The following HS6ST2 variants were observed in gnomAD, a reference collection of about 807,000 sequenced individuals.
The protein encoded by HS6ST2 is heparan-sulfate 6-O-sulfotransferase 2.
Under a neutral mutation model 33.0 loss-of-function variants are expected in HS6ST2, and 17 were observed. The ratio of observed to expected loss-of-function variants is 0.52; its 90% CI spans 0.35 to 0.77. The LOEUF is 0.77. Ranked by LOEUF, HS6ST2 falls within the 30% of genes least tolerant of loss-of-function variation. The probability of loss-of-function intolerance (pLI) is 0.01; values close to 1 mark genes in which losing one functional copy is unlikely to be tolerated. For missense variants in HS6ST2, 519 were observed against 551.7 expected (o/e 0.94, Z 0.59); for synonymous variants, 248 against 237.1 (o/e 1.05, Z -0.42).
intron 4 of HS6ST2, among the ~76,000 whole-genome samples, chrX:132,657,771 G>A (rs1391063780): frequency 9.6e-6 from 1 of 104,299 alleles, no homozygotes; most frequent in Non-Finnish European, 2.0e-5. Flanking sequence ...TGTGGTGTTT[G>A]CCATTAAAAG....
chrX:132,743,625 G>A lies in HS6ST2; in HGVS notation c.948-35131C>T, dbSNP rs770992716. ...CCTTCAGCTATGAGAGAGGGCGAGGGAAGTGGGACCTACCAAGAGATTTTA... is the reference window on the plus strand; with the variant it reads ...CCTTCAGCTATGAGAGAGGGCGAGGAAAGTGGGACCTACCAAGAGATTTTA... On this transcript the variant is annotated intron_variant, in intron 2 of 4. Transcript: ENST00000370833. Among the ~76,000 whole-genome samples, 9 of 111,768 alleles carry A rather than the reference G, an allele frequency of 8.1e-5. No homozygotes were observed. The East Asian group carries it at 2.3e-3, about 28-fold the overall frequency.
chrX:132,637,853 A>ATTT (rs1274752879), intron 4 of HS6ST2, among the ~76,000 whole-genome samples: 6 of 29,362 alleles, frequency 2.0e-4, no homozygotes, highest in South Asian at 2.8e-3. Context: ...TATATATAAT[A>ATTT]TATATATAAT....
At chrX:132,830,919 A>T (rs1270183405) in intron 2 of HS6ST2, among the ~76,000 whole-genome samples, 1 of 111,750 alleles carries the variant, frequency 8.9e-6, no homozygotes, top group Non-Finnish European at 1.9e-5. Context: ...CCATTAATCC[A>T]CATGTACCTT....
rs2066059334 is a variant in HS6ST2 at position 132,871,678 on chromosome X, A to G, written c.947+85130T>C. Among the ~76,000 whole-genome samples, 3 of 110,101 alleles carry G rather than the reference A, an allele frequency of 2.7e-5. No individual in the cohort carries two copies. In the South Asian group the frequency reaches 1.2e-3, roughly 45 times the overall value. The stretch of plus-strand genomic sequence containing the variant: ...ATCATTCTCAGCGAACTAACACAGG[A>G]ACAGAAAACCAAACACCACATATTC... On this transcript the variant is annotated intron_variant, in intron 2 of 4. Transcript: ENST00000370833.
chrX:132,873,229 C>A (rs1455640999), intron 2 of HS6ST2, among the ~76,000 whole-genome samples: 1 of 111,885 alleles, frequency 8.9e-6, no homozygotes, highest in Non-Finnish European at 1.9e-5. Context: ...CGATGCTCCA[C>A]TCACTCCTTT....
At chrX:132,829,327 A>C (rs186119746) in intron 2 of HS6ST2, among the ~76,000 whole-genome samples, 1,119 of 106,547 alleles carry the variant, frequency 0.011, 11 homozygotes, top group African/African-American at 0.036. Context: ...TATATAAATC[A>C]TATGTGATAT....
At chrX:132,795,007 A>G (rs932305624) in intron 2 of HS6ST2, among the ~76,000 whole-genome samples, 2 of 110,574 alleles carry the variant, frequency 1.8e-5, no homozygotes, top group Non-Finnish European at 3.8e-5. Flanking sequence ...ATTCCCTAAG[A>G]ACCTGCAGGC....
At chrX:132,892,557 G>A (rs184459817) in intron 2 of HS6ST2, among the ~76,000 whole-genome samples, 10 of 112,529 alleles carry the variant, frequency 8.9e-5, no homozygotes, top group Admixed American at 2.8e-4. Flanking sequence ...GGTGGCTCAC[G>A]CCTGTAATCC....
At chrX:132,875,951 ACT>A (rs1011705802) in intron 2 of HS6ST2, among the ~76,000 whole-genome samples, 1 of 110,846 alleles carries the variant, frequency 9.0e-6, no homozygotes, top group Non-Finnish European at 1.9e-5. Flanking sequence ...AAAAAAAAAA[ACT>A]CAGCCTCTTT....
intron 2 of HS6ST2, among the ~76,000 whole-genome samples, chrX:132,922,815 C>T (rs1270861805): frequency 8.9e-6 from 1 of 111,808 alleles, no homozygotes; most frequent in Non-Finnish European, 1.9e-5. Flanking sequence ...GTAATCCCAA[C>T]ACTTTGGGAG....
chrX:132,944,712 C>T (rs1364172264), intron 2 of HS6ST2, among the ~76,000 whole-genome samples: 2 of 110,736 alleles, frequency 1.8e-5, no homozygotes, highest in Non-Finnish European at 3.8e-5. Flanking sequence ...CATCTACAAC[C>T]ATCTGATCTT....
chrX:132,692,794 T>G (rs1050243797), intron 3 of HS6ST2, among the ~76,000 whole-genome samples: 1 of 112,200 alleles, frequency 8.9e-6, no homozygotes, highest in African/African-American at 3.2e-5. Context: ...CTGATTATAT[T>G]GCACTGATTC....
Position 132,889,057 on chromosome X carries a change from A to G in HS6ST2, c.947+67751T>C, listed in dbSNP as rs1420862026. ...CAATCATACAGGCAGCAAGTAGCAG[A>G]CCCAGGATTTCAGCGTCTAAGTCTC... On this transcript the variant is annotated intron_variant, in intron 2 of 4. Transcript: ENST00000370833. Among the ~76,000 whole-genome samples, 7 of 110,842 alleles carry G rather than the reference A, an allele frequency of 6.3e-5. No individual in the cohort carries two copies. In the South Asian group the frequency reaches 1.9e-3, roughly 30 times the overall value.
chrX:132,753,748 A>G (rs919327108), intron 2 of HS6ST2, among the ~76,000 whole-genome samples: 1 of 112,153 alleles, frequency 8.9e-6, no homozygotes, highest in African/African-American at 3.2e-5. Flanking sequence ...TTGCACTCAG[A>G]CAGCAGGGCC....
chrX:132,720,226 A>G (rs187512191), intron 2 of HS6ST2, among the ~76,000 whole-genome samples: 1 of 112,552 alleles, frequency 8.9e-6, no homozygotes, highest in East Asian at 2.8e-4. Flanking sequence ...TGCTAATTGT[A>G]TAAGTGGCAC....
At chrX:132,719,555 T>C (rs765586349) in intron 2 of HS6ST2, among the ~76,000 whole-genome samples, 3 of 111,834 alleles carry the variant, frequency 2.7e-5, no homozygotes, top group African/African-American at 9.7e-5. Context: ...GACAAGGTCA[T>C]GCATCTAAGA....
chrX:132,864,913 T>C (rs2065953521), intron 2 of HS6ST2, among the ~76,000 whole-genome samples: 1 of 111,799 alleles, frequency 8.9e-6, no homozygotes, highest in South Asian at 3.8e-4. Flanking sequence ...CAGATCTCTC[T>C]GCAGAAACCC....
intron 2 of HS6ST2, among the ~76,000 whole-genome samples, chrX:132,749,052 C>T (rs986855473): frequency 2.7e-5 from 3 of 111,889 alleles, no homozygotes; most frequent in African/African-American, 6.5e-5. Flanking sequence ...CAGTTCTCCT[C>T]GCTTGGAATA....
chrX:132,638,890 C>A (rs903625386), intron 4 of HS6ST2, among the ~76,000 whole-genome samples: 1 of 112,233 alleles, frequency 8.9e-6, no homozygotes, highest in African/African-American at 3.2e-5. Flanking sequence ...TTCTTCATAC[C>A]TCACCCAAAG....
Sources: gnomAD v4.1 joint callset for allele counts (sites outside exome capture counted in the v4.1 genomes callset) on GRCh38, gnomAD v4.1.1 for gene constraint, MANE v1.5 for transcripts, NCBI Gene and HGNC (gene_info 2026-07-23, HGNC 2026-07-21) for gene names.